SLC2A4RG: variants seen among roughly 807,000 people sequenced by gnomAD.
SLC2A4RG encodes GLUT4 enhancer factor.
A neutral mutation model predicts 35.5 loss-of-function variants in SLC2A4RG; 23 were observed. The observed-to-expected ratio is 0.65, with a 90% CI of 0.47 to 0.92. The LOEUF (loss-of-function observed/expected upper bound fraction) is 0.92. Among genes scored for constraint, SLC2A4RG ranks in the 40% least tolerant of loss-of-function variants. The pLI is 0.00. For synonymous variants in SLC2A4RG, 306 were observed against 243.7 expected (o/e 1.26, Z -2.38); for missense variants, 539 against 525.0 (o/e 1.03, Z -0.26).
At position 63,741,948 on chromosome 20, in the gene SLC2A4RG, G is replaced by C; in HGVS notation, c.471G>C (p.Trp157Cys). The C allele has an allele frequency of 6.2e-7, 1 of 1,612,886 alleles. No individual in the cohort carries two copies. The highest frequency in any genetic ancestry group is 8.5e-7 in the Non-Finnish European group (1 of 1,179,820). The change falls in exon 4 of 8, where the codon TGG becomes TGC. Residue 157 changes from tryptophan (W) to cysteine (C), a missense_variant. Coordinates refer to ENST00000266077, the MANE Select transcript of SLC2A4RG (RefSeq NM_020062.4). Reference sequence around the variant, plus strand: ...GCAGCAGCAGCAACAGTGGAGACTGGGGATGGGACCTGGCCAGTGACCAGT... The same window carrying C: ...GCAGCAGCAGCAACAGTGGAGACTGCGGATGGGACCTGGCCAGTGACCAGT... ...SYSSSSNSGD[W>C]GWDLASDQSS... is the part of the protein sequence containing the mutation.
In SLC2A4RG at chr20:63,742,520, A is replaced by G. The variant is rs982564460; in HGVS notation, c.865A>G (p.Ser289Gly). 8.3e-6 allele frequency: 13 copies of G among 1,563,330 alleles called. No homozygotes were observed. Among genetic ancestry groups the G allele is most frequent in the Non-Finnish European group, 1.1e-5 (13 of 1,154,510 alleles). The change falls in exon 6 of 8, where the codon AGT becomes GGT. Residue 289 changes from serine to glycine, a missense_variant. Transcript: ENST00000266077. ...GCTGCTGGAGCCCCCAGCCCTGCCT[A>G]GTCCCCTGCGGCCGCCTGCCCCGCC... ...PELLEPPALP[S>G]PLRPPAPPLP... is the part of the protein sequence containing the mutation.
Position 63,742,754 on chromosome 20 carries a change from C to T in SLC2A4RG, c.1016C>T (p.Pro339Leu). The T allele has an allele frequency of 1.3e-6, 2 of 1,593,844 alleles. No homozygotes were observed. The highest frequency in any genetic ancestry group is 1.1e-5 in the South Asian group (1 of 88,594). ...CAGCCCACGGAGGTCGGAGCCTGCC[C>T]ACCCGCCTTGTCCTCCAGGATCGGA... ...EPQPTEVGAC[P>L]PALSSRIGVT... The change falls in exon 7 of 8, where the codon CCA (proline) becomes CTA (leucine). Residue 339 changes from proline (P) to leucine (L), a missense_variant. Physicochemically the swap from Pro to Leu is moderately conservative, Grantham distance 98 (BLOSUM62 -3). Transcript: ENST00000266077.
Position 63,742,249 on chromosome 20 carries a change from T to C in SLC2A4RG, c.680+19T>C. 4 of 1,578,752 alleles carry C rather than the reference T, an allele frequency of 2.5e-6. No homozygotes were observed. Among genetic ancestry groups the C allele is most frequent in the Non-Finnish European group, 3.4e-6 (4 of 1,161,300 alleles). On this transcript the variant is annotated intron_variant, in intron 5 of 7. Transcript: ENST00000266077. Reference sequence around the variant, plus strand: ...ACCTGGGGTGCGGCGGGGCCTGGGGTGCGGCGGGGCCTGCGGGTTGGCTGG... The same window carrying C: ...ACCTGGGGTGCGGCGGGGCCTGGGGCGCGGCGGGGCCTGCGGGTTGGCTGG...
At position 63,740,527 on chromosome 20, in the gene SLC2A4RG, C is replaced by G. The variant is rs897278749; in HGVS notation, c.277C>G (p.Gln93Glu). 10 of 1,229,294 alleles carry G rather than the reference C, an allele frequency of 8.1e-6. No homozygotes were observed. The Admixed American group carries it at 3.0e-4, about 36-fold the overall frequency. 76.1% of individuals were successfully genotyped at this position (1,229,294 alleles called of 1,614,324 possible). A position where few individuals can be genotyped will look rare whatever the true frequency, so the allele number is the denominator to read the frequency against. The change falls in exon 2 of 8, where the codon CAG (glutamine) becomes GAG (glutamate). Residue 93 changes from glutamine (Q) to glutamate (E), a missense_variant. Gln to Glu is a conservative substitution (Grantham distance 29). Coordinates refer to ENST00000266077, the MANE Select transcript of SLC2A4RG (RefSeq NM_020062.4). ...TPSAHIPVPAQRATPGKARLD... is the reference protein window; with the variant it reads ...TPSAHIPVPAERATPGKARLD... Reference sequence around the variant, plus strand: ...GTCGGCGCACATCCCCGTCCCAGCGCAGAGGTGAGCGGGAGGCCCGGTGCC... The same window carrying G: ...GTCGGCGCACATCCCCGTCCCAGCGGAGAGGTGAGCGGGAGGCCCGGTGCC...
chr20:63,742,912 G>A lies in SLC2A4RG; in HGVS notation c.1086G>A (p.Lys362=), dbSNP rs769505969. The stretch of plus-strand genomic sequence containing the variant: ...GCGGCGACGCGAAGAAGTGCCGGAA[G>A]GTGTATGGCATGGAGCGCCGGGACC... ...KPRGDAKKCR[K]VYGMERRDLW... Residue 362 remains lysine, a synonymous_variant, in exon 8 of 8, where the codon AAG becomes AAA. Coordinates refer to ENST00000266077, the MANE Select transcript of SLC2A4RG (RefSeq NM_020062.4). The A allele has an allele frequency of 1.2e-6, 2 of 1,612,498 alleles. No individual in the cohort carries two copies. Among genetic ancestry groups the A allele is most frequent in the South Asian group, 1.1e-5 (1 of 91,038 alleles).
In SLC2A4RG at chr20:63,743,106, CTGCTTTTA is replaced by C; in HGVS notation, c.*117_*124del. On this transcript the variant is annotated 3_prime_UTR_variant, in exon 8 of 8. Transcript: ENST00000266077. The stretch of plus-strand genomic sequence containing the variant: ...GGCTGGCTTTCACCAGCTGCAGGGT[CTGCTTTTA>C]CTTGGGGTGGGGGGGCGGGGCTGAC... The C allele has an allele frequency of 6.3e-6, 1 of 158,642 alleles. No homozygotes were observed. Among genetic ancestry groups the C allele is most frequent in the Admixed American group, 7.9e-5 (1 of 12,710 alleles). The allele number at this position is 158,642 out of a possible 1,614,324, so 9.8% of individuals were successfully genotyped here.
Position 63,739,844 on chromosome 20 carries a change from GC to G in SLC2A4RG, c.-66del. On this transcript the variant is annotated 5_prime_UTR_variant, in exon 1 of 8. Transcript: ENST00000266077. The stretch of plus-strand genomic sequence containing the variant: ...GGGGGTCGGCGGCCCGGCCAGCCCG[GC>G]CCGGCCCGGGGCCGCGTCCTGAGAG... 1.0e-6 allele frequency: 1 copy of G among 976,414 alleles called. No homozygotes were observed. Among genetic ancestry groups the G allele is most frequent in the Middle Eastern group, 5.3e-4 (1 of 1,892 alleles). 60.5% of individuals were successfully genotyped at this position (976,414 alleles called of 1,614,324 possible).
intron 4 of SLC2A4RG, 33 bp from the exon 5 acceptor site, chr20:63,742,097 G>T: frequency 1.2e-6 from 2 of 1,605,480 alleles, no homozygotes; most frequent in Non-Finnish European, 1.7e-6. Context: ...CGGGTGTGGC[G>T]GCTGAGCCTG....
chr20:63,740,458 G>C lies in SLC2A4RG; in HGVS notation c.208G>C (p.Ala70Pro). ...GGAGCCGCGGGCCTCGGACCTGGGG[G>C]CCCCCCGGACGTGGACGGGGGCGGC... ...ESEPRASDLG[A>P]PRTWTGAAAG... The change falls in exon 2 of 8, where the codon GCC becomes CCC. Residue 70 changes from alanine (A) to proline (P), a missense_variant. Coordinates refer to ENST00000266077, the MANE Select transcript of SLC2A4RG (RefSeq NM_020062.4). 8.1e-7 allele frequency: 1 copy of C among 1,230,186 alleles called. No individual in the cohort carries two copies. Among genetic ancestry groups the C allele is most frequent in the African/African-American group, 1.6e-5 (1 of 64,292 alleles). The allele number at this position is 1,230,186 out of a possible 1,614,324, so 76.2% of individuals were successfully genotyped here. A position where few individuals can be genotyped will look rare whatever the true frequency, so the allele number is the denominator to read the frequency against.
At chr20:63,741,222 T>A (rs2092039872) in intron 2 of SLC2A4RG, 148 bp from the exon 3 acceptor site, 1 of 711,480 alleles carries the variant, frequency 1.4e-6, no homozygotes, top group African/African-American at 1.8e-5. Flanking sequence ...CTCTGCAACC[T>A]GAGCTGGGGG....
chr20:63,740,991 C>T (rs944308675), intron 2 of SLC2A4RG, among the ~76,000 whole-genome samples: 1 of 152,226 alleles, frequency 6.6e-6, no homozygotes, highest in Admixed American at 6.5e-5. Context: ...ACTCCCACCT[C>T]CCAGGCCTGG....
Position 63,739,916 on chromosome 20 carries a change from G to T in SLC2A4RG, c.4G>T (p.Glu2Ter). ...CTCGGCGCCCGGCCGGCCGGCCATG[G>T]AGCGCCCCCCGCCCCGCGCCGCCGG... is the stretch of plus-strand genomic sequence containing the variant. The part of the protein sequence containing the change: M[E>*]RPPPRAAGRD... The change falls in exon 1 of 8, where the codon GAG becomes TAG. Residue 2 changes from glutamate (E) to a stop codon, truncating the protein, a stop_gained. Transcript: ENST00000266077. LOFTEE classifies it high-confidence loss of function. 1.0e-6 allele frequency: 1 copy of T among 979,264 alleles called. No individual in the cohort carries two copies. The highest frequency in any genetic ancestry group is 1.2e-6 in the Non-Finnish European group (1 of 827,858). The allele number at this position is 979,264 out of a possible 1,614,324, so 60.7% of individuals were successfully genotyped here. A position where few individuals can be genotyped will look rare whatever the true frequency, so the allele number is the denominator to read the frequency against.
Position 63,742,053 on chromosome 20 carries a change from G to A in SLC2A4RG, c.576G>A (p.Arg192=). 1 of 1,611,728 alleles carries A rather than the reference G, an allele frequency of 6.2e-7. No individual in the cohort carries two copies. Among genetic ancestry groups the A allele is most frequent in the Non-Finnish European group, 8.5e-7 (1 of 1,178,702 alleles). ...FLFGEPTLRK[R]KSPAQVMFQC... ...TTGGGGAGCCCACCCTGAGAAAAAG[G>A]AAGGTGAGCTTGGGGGCGGCCCCCA... Residue 192 remains arginine (R), a synonymous_variant, in exon 4 of 8, where the codon AGG becomes AGA. Coordinates refer to ENST00000266077, the MANE Select transcript of SLC2A4RG (RefSeq NM_020062.4).
rs1038412322 is a variant in SLC2A4RG at position 63,742,411 on chromosome 20, G to A, written c.756G>A (p.Thr252=). 2.5e-6 allele frequency: 4 copies of A among 1,610,544 alleles called. No homozygotes were observed. Among genetic ancestry groups the A allele is most frequent in the South Asian group, 1.1e-5 (1 of 90,712 alleles). ...YYTELDVGVD[T]LTDGLSSLTP... ...CAGAGCTGGATGTTGGTGTGGACAC[G>A]CTGACCGACGGGCTGTCCAGCCTGA... Residue 252 remains threonine (T), a synonymous_variant, in exon 6 of 8, where the codon ACG becomes ACA. Transcript: ENST00000266077.
Position 63,739,846 on chromosome 20 carries a change from C to T in SLC2A4RG, c.-67C>T, listed in dbSNP as rs1289997773. 6 of 976,906 alleles carry T rather than the reference C, an allele frequency of 6.1e-6. No individual in the cohort carries two copies. In the African/African-American group the frequency reaches 8.9e-5, roughly 15 times the overall value. The allele number at this position is 976,906 out of a possible 1,614,324, so 60.5% of individuals were successfully genotyped here. On this transcript the variant is annotated 5_prime_UTR_variant, in exon 1 of 8. Coordinates refer to ENST00000266077, the MANE Select transcript of SLC2A4RG (RefSeq NM_020062.4). ...GGGTCGGCGGCCCGGCCAGCCCGGC[C>T]CGGCCCGGGGCCGCGTCCTGAGAGT...
In SLC2A4RG at chr20:63,743,176, C is replaced by G; in HGVS notation, c.*186C>G. 1 of 556,676 alleles carries G rather than the reference C, an allele frequency of 1.8e-6. No homozygotes were observed. The highest frequency in any genetic ancestry group is 3.2e-6 in the Non-Finnish European group (1 of 312,908). The allele number at this position is 556,676 out of a possible 1,614,324, so 34.5% of individuals were successfully genotyped here. On this transcript the variant is annotated 3_prime_UTR_variant, in exon 8 of 8. Transcript: ENST00000266077. ...CCCCCCGCCAGGTCGGGGAGGGGTC[C>G]CACCACTCAAAGTGCCTCTAAAGAA...
In SLC2A4RG at chr20:63,742,422, G is replaced by A; in HGVS notation, c.767G>A (p.Gly256Glu). Residue 256 changes from glycine (G) to glutamate (E), a missense_variant, in exon 6 of 8, where the codon GGG becomes GAG. Physicochemically the swap from Gly to Glu is moderately conservative, Grantham distance 98 (BLOSUM62 -2). Coordinates refer to ENST00000266077, the MANE Select transcript of SLC2A4RG (RefSeq NM_020062.4). ...GTTGGTGTGGACACGCTGACCGACG[G>A]GCTGTCCAGCCTGACTCCAGTGTCC... ...LDVGVDTLTD[G>E]LSSLTPVSPT... The A allele has an allele frequency of 1.2e-6, 2 of 1,609,292 alleles. No homozygotes were observed. Among genetic ancestry groups the A allele is most frequent in the Non-Finnish European group, 1.7e-6 (2 of 1,178,592 alleles).
At chr20:63,741,609 C>G (rs1490984516) in intron 3 of SLC2A4RG, 130 bp downstream of exon 3, 12 of 1,092,794 alleles carry the variant, frequency 1.1e-5, no homozygotes, top group Non-Finnish European at 1.6e-5. Flanking sequence ...CTCCCGCACC[C>G]TCAGTGCCCC....
intron 3 of SLC2A4RG, 84 bp from the exon 4 acceptor site, chr20:63,741,785 G>C: frequency 6.8e-7 from 1 of 1,465,312 alleles, no homozygotes; most frequent in South Asian, 1.4e-5. Context: ...AGTCTCACCG[G>C]ACTTGGTGAA....
Sources: allele counts gnomAD v4.1 joint callset (sites outside exome capture counted in the v4.1 genomes callset), GRCh38; gene constraint gnomAD v4.1.1; transcripts MANE v1.5; gene names NCBI Gene and HGNC (gene_info 2026-07-23, HGNC 2026-07-21).